ANXA7: variants seen among roughly 807,000 people sequenced by gnomAD.
ANXA7 encodes annexin VII.
ANXA7 carries 55 observed loss-of-function variants against 64.9 expected under a neutral mutation model. The ratio of observed to expected loss-of-function variants is 0.85; its 90% CI spans 0.68 to 1.06. The LOEUF is 1.06. ANXA7 is among the 50% of genes least tolerant of loss of function. The probability of loss-of-function intolerance (pLI) is 0.00; values close to 1 mark genes in which losing one functional copy is unlikely to be tolerated. For missense variants in ANXA7, 548 were observed against 582.1 expected, an observed-to-expected ratio of 0.94 and a Z score of 0.60; for synonymous variants, 200 against 192.4, an observed-to-expected ratio of 1.04 and a Z score of -0.33.
intron 1 of ANXA7, among the ~76,000 whole-genome samples, chr10:73,407,697 T>C (rs2055780080): frequency 6.6e-6 from 1 of 152,228 alleles, no homozygotes; most frequent in Non-Finnish European, 1.5e-5. Flanking sequence ...ATGAGCACTG[T>C]CCTAGGTGCT....
intron 11 of ANXA7, 187 bp downstream of exon 11, chr10:73,379,692 C>G (rs1028182521): frequency 7.9e-6 from 5 of 633,872 alleles, no homozygotes; most frequent in Non-Finnish European, 8.4e-6. Context: ...TGTAAAAACA[C>G]AGGACTGTTT....
intron 7 of ANXA7, among the ~76,000 whole-genome samples, chr10:73,384,681 A>G (rs1042744819): frequency 2.6e-5 from 4 of 152,126 alleles, no homozygotes; most frequent in African/African-American, 7.2e-5. Flanking sequence ...CATTACACAC[A>G]TGAACCACTG....
intron 2 of ANXA7, among the ~76,000 whole-genome samples, chr10:73,398,758 A>C (rs748394044): frequency 6.6e-6 from 1 of 152,122 alleles, no homozygotes; most frequent in Non-Finnish European, 1.5e-5. Context: ...TAAACAGAGG[A>C]ATTTGAGGCT....
chr10:73,377,953 GA>G (rs1208829738), intron 12 of ANXA7, among the ~76,000 whole-genome samples: 7 of 150,708 alleles, frequency 4.6e-5, no homozygotes. Context: ...GTTTTTTGTA[GA>G]AATAGGTTTC....
At chr10:73,376,247 A>G (rs762539874) in intron 12 of ANXA7, 30 bp from the exon 13 acceptor site, 6 of 1,533,448 alleles carry the variant, frequency 3.9e-6, no homozygotes, top group Admixed American at 2.2e-5. Flanking sequence ...TCTGTCAGAA[A>G]AACATCTGTG....
At chr10:73,378,308 G>C (rs2055218634) in intron 12 of ANXA7, among the ~76,000 whole-genome samples, 1 of 150,096 alleles carries the variant, frequency 6.7e-6, no homozygotes, top group Non-Finnish European at 1.5e-5. Context: ...AACCCAGGAA[G>C]TGGAGGTTGC....
chr10:73,384,384 T>C (rs2055327710), intron 7 of ANXA7, among the ~76,000 whole-genome samples: 1 of 152,072 alleles, frequency 6.6e-6, no homozygotes, highest in Non-Finnish European at 1.5e-5. Context: ...ACCATTATCA[T>C]CTTGTTCTTA....
intron 1 of ANXA7, among the ~76,000 whole-genome samples, chr10:73,411,415 C>A (rs2055835774): frequency 6.6e-6 from 1 of 152,136 alleles, no homozygotes; most frequent in Non-Finnish European, 1.5e-5. Context: ...TAACAAAAAA[C>A]CACTTGTACT....
chr10:73,410,651 G>A (rs890933103), intron 1 of ANXA7, among the ~76,000 whole-genome samples: 7 of 152,038 alleles, frequency 4.6e-5, no homozygotes, highest in African/African-American at 1.4e-4. Flanking sequence ...GCATGGTGGC[G>A]TGTGACTGTA....
At chr10:73,384,777 AG>A (rs1200991187) in intron 7 of ANXA7, among the ~76,000 whole-genome samples, 1 of 152,184 alleles carries the variant, frequency 6.6e-6, no homozygotes, top group East Asian at 1.9e-4. Flanking sequence ...GCACTGGGTA[AG>A]TAGCATAGAA....
At chr10:73,391,304 C>A (rs1360229118) in intron 5 of ANXA7, among the ~76,000 whole-genome samples, 1 of 152,020 alleles carries the variant, frequency 6.6e-6, no homozygotes, top group East Asian at 1.9e-4. Flanking sequence ...TTGATTCCAA[C>A]CTTCTTGCTG....
chr10:73,394,103 T>C (rs1338694261), intron 5 of ANXA7, among the ~76,000 whole-genome samples: 8 of 152,028 alleles, frequency 5.3e-5, no homozygotes, highest in Admixed American at 5.2e-4. Flanking sequence ...AACAGACACA[T>C]GAAAAAATGC....
chr10:73,391,186 AAG>A (rs1554817015), intron 5 of ANXA7, among the ~76,000 whole-genome samples: 3 of 151,442 alleles, frequency 2.0e-5, no homozygotes, highest in South Asian at 2.1e-4. Context: ...AAAAAAAAAA[AAG>A]AGAGAAATCA....
chr10:73,376,140 C>T lies in ANXA7; in HGVS notation c.1356G>A (p.Thr452=), dbSNP rs575731544. The T allele has an allele frequency of 3.1e-6, 5 of 1,607,906 alleles. No individual in the cohort carries two copies. In the South Asian group the frequency reaches 3.4e-5, roughly 11 times the overall value. The change falls in exon 13 of 13, where the codon ACG becomes ACA. Residue 452 remains threonine (T), a synonymous_variant. Transcript: ENST00000372921. ...KTLGTMIAGD[T]SGDYRRLLLA... is the part of the protein sequence containing the mutation. ...GAAGAAGTCTTCGGTAATCTCCACT[C>T]GTGTCACCTGCAATCATTGTGCCCA...
At position 73,375,924 on chromosome 10, in the gene ANXA7, T is replaced by C. The variant is rs1049217883; in HGVS notation, c.*171A>G. Reference sequence around the variant, plus strand: ...TTGTATGTAGAGAACAAAATAAAATTAGAATTAAGGCAATAACAACATGTG... The same window carrying C: ...TTGTATGTAGAGAACAAAATAAAATCAGAATTAAGGCAATAACAACATGTG... On this transcript the variant is annotated 3_prime_UTR_variant, in exon 13 of 13. Transcript: ENST00000372921. The C allele has an allele frequency of 2.2e-6, 1 of 453,118 alleles. No individual in the cohort carries two copies. The highest frequency in any genetic ancestry group is 3.8e-6 in the Non-Finnish European group (1 of 264,140). The allele number at this position is 453,118 out of a possible 1,614,324, so 28.1% of individuals were successfully genotyped here. A position where few individuals can be genotyped will look rare whatever the true frequency, so the allele number is the denominator to read the frequency against.
At position 73,397,371 on chromosome 10, in the gene ANXA7, C is replaced by T. The variant is rs2055593194; in HGVS notation, c.260-97G>A. 14 of 536,610 alleles carry T rather than the reference C, an allele frequency of 2.6e-5. No homozygotes were observed. The South Asian group carries it at 6.3e-4, about 24-fold the overall frequency. 33.2% of individuals were successfully genotyped at this position (536,610 alleles called of 1,614,324 possible). On this transcript the variant is annotated intron_variant, in intron 3 of 12. Transcript: ENST00000372921. ...CTATTGTTAACAGTGGAAAAATATG[C>T]TATTAATGCTATAATAGCAGTCCCT...
chr10:73,399,427 A>G (rs2055624504), intron 2 of ANXA7, among the ~76,000 whole-genome samples: 1 of 152,224 alleles, frequency 6.6e-6, no homozygotes, highest in Non-Finnish European at 1.5e-5. Context: ...CACGAGAGCT[A>G]TATAATCACT....
At chr10:73,411,953 T>G (rs990648692) in intron 1 of ANXA7, among the ~76,000 whole-genome samples, 22 of 151,858 alleles carry the variant, frequency 1.4e-4, no homozygotes, top group Non-Finnish European at 3.1e-4. Context: ...TTATAGAATA[T>G]CCCTGAAAGG....
At chr10:73,413,544 G>A (rs1475367688) in intron 1 of ANXA7, among the ~76,000 whole-genome samples, 5 of 152,226 alleles carry the variant, frequency 3.3e-5, no homozygotes, top group African/African-American at 1.2e-4. Flanking sequence ...ACCAGTGTAC[G>A]ACCTTGGCCT....
Sources: allele counts gnomAD v4.1 joint callset (sites outside exome capture counted in the v4.1 genomes callset), GRCh38; gene constraint gnomAD v4.1.1; transcripts MANE v1.5; gene names NCBI Gene and HGNC (gene_info 2026-07-23, HGNC 2026-07-21).